GPATCH1: variants seen among roughly 807,000 people sequenced by gnomAD.
GPATCH1 encodes G-patch domain containing 1.
A neutral mutation model predicts 114.9 loss-of-function variants in GPATCH1; 73 were observed. The ratio of observed to expected loss-of-function variants is 0.64; its 90% CI spans 0.53 to 0.77. The LOEUF (loss-of-function observed/expected upper bound fraction) is 0.77, where lower values mean the gene tolerates loss of function less well. Among genes scored for constraint, GPATCH1 ranks in the 30% least tolerant of loss-of-function variants. The pLI, the probability that GPATCH1 is intolerant of heterozygous loss-of-function variation, is 0.00. For missense variants in GPATCH1, 1,058 were observed against 1,144.3 expected, an observed-to-expected ratio of 0.92 and a Z score of 1.09; for synonymous variants, 391 against 428.4, an observed-to-expected ratio of 0.91 and a Z score of 1.08.
intron 15 of GPATCH1, among the ~76,000 whole-genome samples, chr19:33,115,225 ATTTTTTT>A (rs71176196): frequency 6.3e-4 from 36 of 56,866 alleles, no homozygotes; most frequent in African/African-American, 2.6e-3. Flanking sequence ...TGCCTGGCTA[ATTTTTTT>A]TTTTTTTTTT....
At chr19:33,107,570 T>C (rs1972799484) in intron 10 of GPATCH1, among the ~76,000 whole-genome samples, 2 of 152,168 alleles carry the variant, frequency 1.3e-5, no homozygotes, top group Non-Finnish European at 2.9e-5. Context: ...TGAATGTGTC[T>C]GAAAGTCTGG....
intron 2 of GPATCH1, 36 bp from the exon 3 acceptor site, chr19:33,090,744 C>T (rs1184489433): frequency 7.4e-7 from 1 of 1,358,344 alleles, no homozygotes; most frequent in African/African-American, 1.4e-5. Context: ...CAAATACTCT[C>T]TAGGATTGTA....
chr19:33,125,401 C>T lies in GPATCH1; in HGVS notation c.2619+199C>T, dbSNP rs148850276. Among the ~76,000 whole-genome samples the T allele has an allele frequency of 3.7e-3, 563 of 151,212 alleles. 5 individuals are homozygous for T. The highest frequency in any genetic ancestry group is 0.032 in the South Asian group (150 of 4,720). ...TTTCTTTTGCACTTAAACGCCCCCC[C>T]GCTTTTTTTTTTTTTGAGATGGAGT... On this transcript the variant is annotated intron_variant, in intron 18 of 19. Transcript: ENST00000170564.
At chr19:33,126,525 T>C in intron 18 of GPATCH1, 63 bp from the exon 19 acceptor site, 1 of 1,595,858 alleles carries the variant, frequency 6.3e-7, no homozygotes, top group East Asian at 2.2e-5. Flanking sequence ...TAACCTTTCA[T>C]TGTATTGAAT....
chr19:33,110,530 G>C (rs995597554), intron 11 of GPATCH1, among the ~76,000 whole-genome samples: 1 of 152,114 alleles, frequency 6.6e-6, no homozygotes, highest in African/African-American at 2.4e-5. Flanking sequence ...AGTAGTCCTC[G>C]TGAGAGGTTA....
At chr19:33,106,514 T>G in intron 9 of GPATCH1, among the ~76,000 whole-genome samples, 181 bp from the exon 10 acceptor site, 1 of 152,100 alleles carries the variant, frequency 6.6e-6, no homozygotes, top group Admixed American at 6.6e-5. Flanking sequence ...CTTGTGACCC[T>G]CCAGGTCCAG....
intron 18 of GPATCH1, among the ~76,000 whole-genome samples, chr19:33,126,063 A>C (rs1471483512): frequency 6.6e-6 from 1 of 152,188 alleles, no homozygotes; most frequent in African/African-American, 2.4e-5. Context: ...ACCAGAGGGA[A>C]GCACTCCCAC....
chr19:33,100,915 T>C (rs1216595305), intron 8 of GPATCH1, among the ~76,000 whole-genome samples: 1 of 152,154 alleles, frequency 6.6e-6, no homozygotes, highest in Admixed American at 6.5e-5. Flanking sequence ...GTTGTCTCTA[T>C]GACCAGAAGA....
chr19:33,126,497 C>T, intron 18 of GPATCH1, 91 bp from the exon 19 acceptor site: 1 of 1,565,882 alleles, frequency 6.4e-7, no homozygotes, highest in South Asian at 1.2e-5. Flanking sequence ...TTGAATGACT[C>T]CATCACTGCA....
chr19:33,097,634 C>T, intron 7 of GPATCH1, 121 bp from the exon 8 acceptor site: 1 of 896,650 alleles, frequency 1.1e-6, no homozygotes, highest in Non-Finnish European at 1.8e-6. Flanking sequence ...GTTCACTTCT[C>T]TCTTGGTGAT....
chr19:33,088,046 A>G (rs1474643111), intron 1 of GPATCH1, 88 bp from the exon 2 acceptor site: 6 of 692,268 alleles, frequency 8.7e-6, no homozygotes, highest in Admixed American at 6.4e-5. Context: ...ACAATTTATG[A>G]TATTTAAAAA....
At chr19:33,083,655 A>G (rs982852978) in intron 1 of GPATCH1, among the ~76,000 whole-genome samples, 23 of 152,068 alleles carry the variant, frequency 1.5e-4, no homozygotes, top group Admixed American at 2.0e-4. Flanking sequence ...TTCACCTCCC[A>G]AAGTGTTGGA....
Position 33,118,039 on chromosome 19 carries a change from A to G in GPATCH1, c.2411A>G (p.His804Arg), listed in dbSNP as rs1972936475. 6.2e-7 allele frequency: 1 copy of G among 1,609,508 alleles called. No individual in the cohort carries two copies. Among genetic ancestry groups the G allele is most frequent in the South Asian group, 1.1e-5 (1 of 90,984 alleles). Residue 804 changes from histidine to arginine, a missense_variant and splice_region_variant, in exon 16 of 20, where the codon CAC becomes CGC. Transcript: ENST00000170564. ...TDLGETSSVA[H>R]ALVPAPQEPP... ...TTGGGGGAAACATCATCTGTGGCTC[A>G]CGGTATGTCAGTATTTCAGACTCGG...
At chr19:33,082,877 C>T (rs887392323) in intron 1 of GPATCH1, among the ~76,000 whole-genome samples, 2 of 152,164 alleles carry the variant, frequency 1.3e-5, no homozygotes, top group African/African-American at 4.8e-5. Context: ...AAGCGATGCT[C>T]TCACCTTGGC....
chr19:33,083,748 T>C (rs934438831), intron 1 of GPATCH1, among the ~76,000 whole-genome samples: 1 of 152,110 alleles, frequency 6.6e-6, no homozygotes, highest in African/African-American at 2.4e-5. Flanking sequence ...AGACTTTGTT[T>C]TTCTGGACTA....
intron 6 of GPATCH1, 140 bp downstream of exon 6, chr19:33,095,960 A>C (rs551990869): frequency 1.3e-6 from 1 of 767,276 alleles, no homozygotes; most frequent in South Asian, 1.5e-5. Flanking sequence ...AGCTATCCTC[A>C]TTATATCAGC....
intron 19 of GPATCH1, among the ~76,000 whole-genome samples, 187 bp downstream of exon 19, chr19:33,126,920 C>G (rs530916241): frequency 6.6e-6 from 1 of 151,490 alleles, no homozygotes; most frequent in East Asian, 2.0e-4. Flanking sequence ...AGTTTGAGAC[C>G]AGCCTGGGCA....
At chr19:33,111,252 C>T (rs1040664010) in intron 11 of GPATCH1, among the ~76,000 whole-genome samples, 6 of 151,632 alleles carry the variant, frequency 4.0e-5, no homozygotes, top group African/African-American at 1.2e-4. Flanking sequence ...GGCATGGTGG[C>T]GGACGCCTGT....
chr19:33,082,999 G>T (rs1972494953), intron 1 of GPATCH1, among the ~76,000 whole-genome samples: 1 of 151,982 alleles, frequency 6.6e-6, no homozygotes, highest in South Asian at 2.1e-4. Flanking sequence ...AGCACTTTGG[G>T]AGGCCGAGGC....
Sources: gnomAD v4.1 joint callset for allele counts (sites outside exome capture counted in the v4.1 genomes callset) on GRCh38, gnomAD v4.1.1 for gene constraint, MANE v1.5 for transcripts, NCBI Gene and HGNC (gene_info 2026-07-23, HGNC 2026-07-21) for gene names.